Variants in TENM2 observed in about 807,000 individuals in gnomAD.
The protein encoded by TENM2 is teneurin transmembrane protein 2, also known as teneurin-2.
A neutral mutation model predicts 245.2 loss-of-function variants in TENM2; 52 were observed. The ratio of observed to expected loss-of-function variants is 0.21; its 90% CI spans 0.17 to 0.27. The LOEUF is 0.27. Among genes scored for constraint, TENM2 ranks in the 10% least tolerant of loss-of-function variants. The pLI, the probability that TENM2 is intolerant of heterozygous loss-of-function variation, is 1.00. For missense variants in TENM2, 3,046 were observed against 3,666.8 expected (o/e 0.83, Z 4.37); for synonymous variants, 1,363 against 1,438.9 (o/e 0.95, Z 1.19).
chr5:167,248,177 T>C, the TENM2 span, among the ~76,000 whole-genome samples: 1,512 of 152,274 alleles, frequency 9.9e-3, 12 homozygotes, highest in African/African-American at 0.035. Flanking sequence ...TTTGACGGAT[T>C]TTTGCTGTAA....
intron 2 of TENM2, among the ~76,000 whole-genome samples, chr5:167,555,434 T>C (rs559696022): frequency 1.9e-3 from 283 of 149,616 alleles, no homozygotes; most frequent in African/African-American, 6.7e-3. Context: ...CAAACTTGGT[T>C]GGATACCCTA....
intron 2 of TENM2, among the ~76,000 whole-genome samples, chr5:167,815,971 T>C (rs938698710): frequency 9.6e-5 from 12 of 124,808 alleles, no homozygotes; most frequent in African/African-American, 3.7e-4. Context: ...ATTATGATCC[T>C]TTGTGTGTGT....
the TENM2 span, among the ~76,000 whole-genome samples, chr5:167,012,056 A>C: frequency 6.6e-6 from 1 of 152,190 alleles, no homozygotes; most frequent in Non-Finnish European, 1.5e-5. Flanking sequence ...CCATAAAATG[A>C]AAATACAGAA....
intron 3 of TENM2, among the ~76,000 whole-genome samples, chr5:167,896,964 A>G (rs2151492757): frequency 1.3e-5 from 2 of 152,354 alleles, no homozygotes; most frequent in South Asian, 4.1e-4. Flanking sequence ...GTGCATGTGC[A>G]AGCCTCTAAA....
At chr5:168,213,247 A>G (rs1762921882) in intron 20 of TENM2, among the ~76,000 whole-genome samples, 1 of 152,240 alleles carries the variant, frequency 6.6e-6, no homozygotes, top group African/African-American at 2.4e-5. Context: ...CTGGAATTTC[A>G]GAAAAACTTT....
chr5:167,058,242 A>C, the TENM2 span, among the ~76,000 whole-genome samples: 3 of 152,098 alleles, frequency 2.0e-5, no homozygotes, highest in African/African-American at 7.2e-5. Context: ...AGTTTTGTTA[A>C]GTTTTGAGAG....
At chr5:168,045,432 A>G (rs963001662) in intron 5 of TENM2, among the ~76,000 whole-genome samples, 1 of 152,170 alleles carries the variant, frequency 6.6e-6, no homozygotes, top group African/African-American at 2.4e-5. Flanking sequence ...CCCAAAGCTG[A>G]TGGTTGCAAT....
At chr5:168,056,242 C>T (rs1001408483) in intron 6 of TENM2, among the ~76,000 whole-genome samples, 2 of 152,204 alleles carry the variant, frequency 1.3e-5, no homozygotes, top group Non-Finnish European at 2.9e-5. Flanking sequence ...TGAGATGGTT[C>T]CCCATGCTGG....
At chr5:166,982,791 T>TG in the TENM2 span, among the ~76,000 whole-genome samples, 17,927 of 149,580 alleles carry the variant, frequency 0.12, 1,114 homozygotes, top group Non-Finnish European at 0.14. Context: ...ATGTTTTTTT[T>TG]GGGGGGGGGA....
chr5:167,138,661 C>T, the TENM2 span, among the ~76,000 whole-genome samples: 2 of 152,174 alleles, frequency 1.3e-5, no homozygotes, highest in Admixed American at 6.5e-5. Context: ...TTGCTCTTGT[C>T]GCCCAGGCCA....
the TENM2 span, among the ~76,000 whole-genome samples, chr5:166,984,506 A>G: frequency 7.9e-5 from 12 of 152,154 alleles, no homozygotes; most frequent in African/African-American, 2.9e-4. Context: ...CTAAATAGAA[A>G]TGATTTTTGG....
At chr5:167,184,523 G>A in the TENM2 span, among the ~76,000 whole-genome samples, 1 of 152,146 alleles carries the variant, frequency 6.6e-6, no homozygotes, top group Non-Finnish European at 1.5e-5. Flanking sequence ...TCATGTCAGA[G>A]CACTTTAATG....
At position 167,623,854 on chromosome 5, in the gene TENM2, G is replaced by GC. The variant is rs970349872; in HGVS notation, c.502+248381_502+248382insC. Among the ~76,000 whole-genome samples the GC allele has an allele frequency of 9.9e-5, 15 of 152,162 alleles. No homozygotes were observed. In the East Asian group the frequency reaches 2.7e-3, roughly 27 times the overall value. The stretch of plus-strand genomic sequence containing the variant: ...TGAACAATGTATTTAAAAGTTAGGT[G>GC]TTTTTCCATGGTAAGATACCATCTC... On this transcript the variant is annotated intron_variant, in intron 2 of 28. Transcript: ENST00000518659.
At chr5:167,374,554 G>T (rs1760629608) in intron 1 of TENM2, among the ~76,000 whole-genome samples, 1 of 152,150 alleles carries the variant, frequency 6.6e-6, no homozygotes, top group Non-Finnish European at 1.5e-5. Flanking sequence ...GAAAATTGGG[G>T]TTCGTGGAGT....
intron 2 of TENM2, among the ~76,000 whole-genome samples, chr5:167,632,755 C>T (rs565376536): frequency 7.4e-4 from 112 of 152,170 alleles, no homozygotes; most frequent in African/African-American, 2.6e-3. Context: ...ACAAAGTAGG[C>T]ACTATGTAGC....
At chr5:166,991,448 A>T in the TENM2 span, among the ~76,000 whole-genome samples, 1 of 151,910 alleles carries the variant, frequency 6.6e-6, no homozygotes, top group East Asian at 1.9e-4. Flanking sequence ...TCCTTGTTTC[A>T]GACCTAGTAA....
the TENM2 span, among the ~76,000 whole-genome samples, chr5:167,038,310 C>A: frequency 3.0e-4 from 46 of 152,312 alleles, no homozygotes; most frequent in African/African-American, 1.1e-3. Context: ...TTCTCTGCTT[C>A]CTTGCTGCAA....
chr5:167,684,948 A>G (rs1444186171), intron 2 of TENM2, among the ~76,000 whole-genome samples: 1 of 152,130 alleles, frequency 6.6e-6, no homozygotes, highest in East Asian at 1.9e-4. Flanking sequence ...CTAAATTGGA[A>G]CTCACATAAG....
intron 2 of TENM2, among the ~76,000 whole-genome samples, chr5:167,702,565 T>TATATATATACATACATATATATATAG (rs1758227589): frequency 6.8e-6 from 1 of 147,710 alleles, no homozygotes; most frequent in African/African-American, 2.5e-5. Flanking sequence ...TATATATATA[T>TATATATATACATACATATATATATAG]ATATATACAT....
Sources: allele counts gnomAD v4.1 joint callset (sites outside exome capture counted in the v4.1 genomes callset), GRCh38; gene constraint gnomAD v4.1.1; transcripts MANE v1.5; gene names NCBI Gene and HGNC (gene_info 2026-07-23, HGNC 2026-07-21).